Variants in CPNE4 observed in about 807,000 individuals in gnomAD.
The protein encoded by CPNE4 is copine 4.
A neutral mutation model predicts 67.9 loss-of-function variants in CPNE4; 25 were observed. The observed-to-expected ratio is 0.37, with a 90% CI of 0.27 to 0.51. The LOEUF is 0.51. Ranked by LOEUF, CPNE4 falls within the 20% of genes least tolerant of loss-of-function variation. The pLI is 0.93. For synonymous variants in CPNE4, 242 were observed against 244.9 expected (o/e 0.99, Z 0.11); for missense variants, 464 against 690.8 (o/e 0.67, Z 3.68).
chr3:131,906,221 GTTTTGTTTT>G (rs1208786394), intron 1 of CPNE4, among the ~76,000 whole-genome samples: 17 of 150,132 alleles, frequency 1.1e-4, no homozygotes, highest in African/African-American at 4.2e-4. Context: ...TGTTGTTGTT[GTTTTGTTTT>G]GTTTTATTTT....
chr3:131,691,616 A>G (rs1195728311), intron 5 of CPNE4, among the ~76,000 whole-genome samples: 1 of 150,956 alleles, frequency 6.6e-6, no homozygotes, highest in East Asian at 1.9e-4. Flanking sequence ...ATGGGTAATG[A>G]GATCAATTGT....
In CPNE4 at chr3:131,555,585, A is replaced by C. The variant is rs1443269613; in HGVS notation, c.1062-34T>G. On this transcript the variant is annotated intron_variant, in intron 11 of 15. Transcript: ENST00000429747. ...AAAATGAAGAAAAGAAAAAACAAGA[A>C]GTTGCTTCATTTATTCATTTAATGA... is the stretch of plus-strand genomic sequence containing the variant. 1.9e-6 allele frequency: 3 copies of C among 1,586,326 alleles called. No individual in the cohort carries two copies. In the South Asian group the frequency reaches 3.4e-5, roughly 18 times the overall value.
chr3:131,704,821 C>T (rs899089163), intron 3 of CPNE4, among the ~76,000 whole-genome samples: 1 of 152,154 alleles, frequency 6.6e-6, no homozygotes, highest in African/African-American at 2.4e-5. Context: ...TTAAGGAGTT[C>T]ATCTAAGGTC....
intron 1 of CPNE4, among the ~76,000 whole-genome samples, chr3:131,952,472 G>T (rs1487397003): frequency 3.1e-5 from 3 of 96,674 alleles, no homozygotes; most frequent in Non-Finnish European, 5.6e-5. Context: ...GGAGGGAGGT[G>T]GGGGGGTCAG....
In CPNE4 at chr3:131,876,603, T is replaced by C. The variant is rs561275250; in HGVS notation, c.180+28661A>G. ...CTTGCAGTGAGCCAAGATCGCACCA[T>C]TGCACTCCAGCCTGGGCGACAGAGC... On this transcript the variant is annotated intron_variant, in intron 2 of 15. Transcript: ENST00000429747. 8.1e-3 allele frequency among the ~76,000 whole-genome samples: 1,099 copies of C among 135,882 alleles called. 9 individuals are homozygous for C. The highest frequency in any genetic ancestry group is 0.024 in the Admixed American group (291 of 12,002). 89.1% of individuals were successfully genotyped at this position (135,882 alleles called of 152,430 possible). A position where few individuals can be genotyped will look rare whatever the true frequency, so the allele number is the denominator to read the frequency against.
chr3:131,640,357 C>A (rs999600717), intron 7 of CPNE4, among the ~76,000 whole-genome samples: 5 of 152,118 alleles, frequency 3.3e-5, no homozygotes, highest in Admixed American at 3.3e-4. Flanking sequence ...CTCTGCTATA[C>A]ACCAGCAGTG....
intron 12 of CPNE4, among the ~76,000 whole-genome samples, chr3:131,554,991 C>T (rs55784245): frequency 0.035 from 5,378 of 152,134 alleles, 322 homozygotes; most frequent in African/African-American, 0.12. Flanking sequence ...AGGATTCCAA[C>T]GTCTTCAGAA....
intron 6 of CPNE4, among the ~76,000 whole-genome samples, chr3:131,682,748 A>G (rs973031410): frequency 3.9e-5 from 6 of 152,104 alleles, no homozygotes; most frequent in African/African-American, 1.4e-4. Context: ...AGTCCCAGGC[A>G]GGTCCAGAAA....
intron 2 of CPNE4, among the ~76,000 whole-genome samples, chr3:131,765,826 T>C (rs1046254878): frequency 5.3e-5 from 8 of 152,088 alleles, no homozygotes; most frequent in Admixed American, 4.6e-4. Flanking sequence ...GAAAAACTTA[T>C]GATGAAGGAG....
At chr3:131,676,073 T>TTATTATTA in intron 6 of CPNE4, among the ~76,000 whole-genome samples, 1 of 108,064 alleles carries the variant, frequency 9.3e-6, no homozygotes, top group South Asian at 3.4e-4. Context: ...TATTATTATT[T>TTATTATTA]GAGATGGAGT....
chr3:131,536,977 G>A (rs1348914339), intron 15 of CPNE4, among the ~76,000 whole-genome samples: 1 of 152,076 alleles, frequency 6.6e-6, no homozygotes, highest in African/African-American at 2.4e-5. Flanking sequence ...ATTTCCTGGG[G>A]GAGGTTTTTT....
intron 1 of CPNE4, among the ~76,000 whole-genome samples, chr3:131,978,478 ATATATATTTATATATATT>A (rs1560724313): frequency 2.0e-5 from 1 of 50,346 alleles, no homozygotes; most frequent in Non-Finnish European, 3.1e-5. Context: ...TTATATATTT[ATATATATTTATATATATT>A]TATATATTTA....
intron 2 of CPNE4, among the ~76,000 whole-genome samples, chr3:131,809,422 C>T (rs894424970): frequency 6.6e-6 from 1 of 152,106 alleles, no homozygotes; most frequent in Non-Finnish European, 1.5e-5. Flanking sequence ...TTAAAACACA[C>T]AGAATGTAAG....
Position 131,542,756 on chromosome 3 carries a change from A to T in CPNE4, c.1340T>A (p.Ile447Asn), listed in dbSNP as rs1282346220. 6.2e-7 allele frequency: 1 copy of T among 1,613,972 alleles called. No homozygotes were observed. The highest frequency in any genetic ancestry group is 1.1e-5 in the South Asian group (1 of 91,064). Reference protein sequence around the residue: ...FILLILTDGVITDMADTREAI... With the variant: ...FILLILTDGVNTDMADTREAI... ...CTCCCGGGTGTCGGCCATGTCTGTG[A>T]TAACACCATCTGTCAGGATCAGCAG... Residue 447 changes from isoleucine (I) to asparagine (N), a missense_variant, in exon 15 of 16, where the codon ATC becomes AAC. Around this residue, in one of 6 missense-constraint regions of CPNE4, gnomAD observed 201 missense variants for 357.7 expected, o/e 0.56. Coordinates refer to ENST00000429747, the MANE Select transcript of CPNE4 (RefSeq NM_130808.3).
intron 2 of CPNE4, among the ~76,000 whole-genome samples, chr3:131,888,863 T>C (rs2088001037): frequency 2.0e-5 from 3 of 152,212 alleles, no homozygotes; most frequent in African/African-American, 7.2e-5. Flanking sequence ...ACTTAGAGAA[T>C]TGTTAAATTT....
chr3:131,779,865 G>A lies in CPNE4; in HGVS notation c.181-56240C>T, dbSNP rs564561354. Among the ~76,000 whole-genome samples, 9 of 152,112 alleles carry A rather than the reference G, an allele frequency of 5.9e-5. No homozygotes were observed. In the South Asian group the frequency reaches 1.9e-3, roughly 32 times the overall value. On this transcript the variant is annotated intron_variant, in intron 2 of 15. Transcript: ENST00000429747. The stretch of plus-strand genomic sequence containing the variant: ...GACATAATTAAACTAAAGAACTTCT[G>A]TACAACAAAGAAACTATGGATAGCA...
chr3:132,029,422 A>G (rs1171037997), intron 1 of CPNE4, among the ~76,000 whole-genome samples: 1 of 152,170 alleles, frequency 6.6e-6, no homozygotes, highest in Admixed American at 6.5e-5. Context: ...TCCTTATCCT[A>G]GAAGCCCTGC....
chr3:131,622,038 A>G (rs1940504163), intron 7 of CPNE4, among the ~76,000 whole-genome samples: 1 of 151,044 alleles, frequency 6.6e-6, no homozygotes, highest in Non-Finnish European at 1.5e-5. Flanking sequence ...AAAAAAAAAA[A>G]AGAAAAGAAA....
intron 7 of CPNE4, among the ~76,000 whole-genome samples, chr3:131,592,137 G>A (rs981101188): frequency 2.0e-5 from 3 of 152,122 alleles, no homozygotes; most frequent in South Asian, 2.1e-4. Flanking sequence ...TCTGGTTTTC[G>A]TACCTCCTTG....
Sources: allele counts gnomAD v4.1 joint callset (sites outside exome capture counted in the v4.1 genomes callset), GRCh38; gene constraint gnomAD v4.1.1; regional missense constraint gnomAD v4.1.1; transcripts MANE v1.5; gene names NCBI Gene and HGNC (gene_info 2026-07-23, HGNC 2026-07-21).